Variants in HEMK2 observed in about 807,000 individuals in gnomAD.
The protein encoded by HEMK2 is methyltransferase HEMK2.
chr21:28,627,508 T>C, the HEMK2 span, among the ~76,000 whole-genome samples: 213 of 152,282 alleles, frequency 1.4e-3, no homozygotes, highest in African/African-American at 3.2e-3. Flanking sequence ...TAAGATGAAG[T>C]AGTTGAAATG....
the HEMK2 span, among the ~76,000 whole-genome samples, chr21:28,651,368 A>G: frequency 2.0e-5 from 3 of 152,212 alleles, no homozygotes; most frequent in African/African-American, 7.2e-5. Context: ...AAAAACTATA[A>G]AAAATATTCT....
chr21:28,720,663 G>A, the HEMK2 span, among the ~76,000 whole-genome samples: 1 of 152,180 alleles, frequency 6.6e-6, no homozygotes, highest in Admixed American at 6.5e-5. Context: ...AACCTGGGAG[G>A]TGGATGTTGC....
the HEMK2 span, among the ~76,000 whole-genome samples, chr21:28,717,567 C>T: frequency 3.4e-5 from 5 of 146,654 alleles, no homozygotes; most frequent in Admixed American, 2.8e-4. Flanking sequence ...GCAACATCCG[C>T]CTCCTGGGTT....
At chr21:28,667,340 A>G in the HEMK2 span, among the ~76,000 whole-genome samples, 1 of 152,204 alleles carries the variant, frequency 6.6e-6, no homozygotes, top group African/African-American at 2.4e-5. Flanking sequence ...ATGAGAAGCC[A>G]TAATTTGTGT....
chr21:28,858,763 T>G, the HEMK2 span, among the ~76,000 whole-genome samples: 1 of 152,138 alleles, frequency 6.6e-6, no homozygotes, highest in Admixed American at 6.5e-5. Context: ...AGAAATTTTT[T>G]AAAAGGGACC....
the HEMK2 span, among the ~76,000 whole-genome samples, chr21:28,855,203 G>T: frequency 2.0e-5 from 3 of 152,216 alleles, no homozygotes; most frequent in Admixed American, 2.0e-4. Context: ...AAAAGCAGGG[G>T]TTGCTATTCT....
chr21:28,624,141 T>A, the HEMK2 span, among the ~76,000 whole-genome samples: 1 of 152,176 alleles, frequency 6.6e-6, no homozygotes, highest in African/African-American at 2.4e-5. Context: ...TAAACTGGAA[T>A]GTATGAGCCA....
the HEMK2 span, among the ~76,000 whole-genome samples, chr21:28,832,797 G>A: frequency 6.6e-6 from 1 of 152,194 alleles, no homozygotes; most frequent in Admixed American, 6.5e-5. Flanking sequence ...TTCGTGTATT[G>A]ATACGTATGT....
At chr21:28,637,509 C>T in the HEMK2 span, among the ~76,000 whole-genome samples, 1 of 151,930 alleles carries the variant, frequency 6.6e-6, no homozygotes, top group African/African-American at 2.4e-5. Flanking sequence ...AGCTGAGAAT[C>T]GCATTACCAG....
the HEMK2 span, among the ~76,000 whole-genome samples, chr21:28,843,519 ATCT>A: frequency 2.0e-3 from 305 of 152,292 alleles, 4 homozygotes; most frequent in African/African-American, 7.1e-3. Flanking sequence ...AAACTTAATG[ATCT>A]TCTTCCAAAA....
chr21:28,659,331 A>G, the HEMK2 span, among the ~76,000 whole-genome samples: 1 of 152,124 alleles, frequency 6.6e-6, no homozygotes, highest in Non-Finnish European at 1.5e-5. Flanking sequence ...AACCTGTTAG[A>G]GCATTTTGTT....
At chr21:28,676,618 C>T in the HEMK2 span, among the ~76,000 whole-genome samples, 1 of 152,192 alleles carries the variant, frequency 6.6e-6, no homozygotes, top group South Asian at 2.1e-4. Flanking sequence ...TGGGGTGTAG[C>T]CACAGAAGTT....
the HEMK2 span, among the ~76,000 whole-genome samples, chr21:28,816,037 A>T: frequency 2.0e-5 from 3 of 152,218 alleles, no homozygotes; most frequent in Non-Finnish European, 4.4e-5. Context: ...ACACCAGACA[A>T]GTGCACACCC....
the HEMK2 span, among the ~76,000 whole-genome samples, chr21:28,593,802 A>T: frequency 6.6e-6 from 1 of 152,112 alleles, no homozygotes; most frequent in Non-Finnish European, 1.5e-5. Flanking sequence ...TGGCTACATA[A>T]GTAAATAAAT....
the HEMK2 span, among the ~76,000 whole-genome samples, chr21:28,723,689 C>A: frequency 6.6e-6 from 1 of 152,116 alleles, no homozygotes; most frequent in East Asian, 1.9e-4. Context: ...TGATAATCAT[C>A]CCCGCCTCAT....
the HEMK2 span, among the ~76,000 whole-genome samples, chr21:28,866,965 A>G: frequency 6.6e-6 from 1 of 152,218 alleles, no homozygotes; most frequent in Non-Finnish European, 1.5e-5. Flanking sequence ...ATATAAATCA[A>G]TACTATATTA....
chr21:28,712,758 T>C, the HEMK2 span, among the ~76,000 whole-genome samples: 1 of 152,328 alleles, frequency 6.6e-6, no homozygotes, highest in African/African-American at 2.4e-5. Context: ...AATTGATACA[T>C]TACAATTGTT....
the HEMK2 span, among the ~76,000 whole-genome samples, chr21:28,674,260 A>G: frequency 6.6e-6 from 1 of 152,214 alleles, no homozygotes; most frequent in African/African-American, 2.4e-5. Context: ...CTTGTTTAGC[A>G]TATCATCAAG....
chr21:28,791,469 C>A, the HEMK2 span, among the ~76,000 whole-genome samples: 1 of 151,964 alleles, frequency 6.6e-6, no homozygotes, highest in Non-Finnish European at 1.5e-5. Context: ...AAACATAATT[C>A]AAAAAAAGGG....
Sources: allele counts gnomAD v4.1 joint callset (sites outside exome capture counted in the v4.1 genomes callset), GRCh38; gene constraint gnomAD v4.1.1; transcripts MANE v1.5; gene names NCBI Gene and HGNC (gene_info 2026-07-23, HGNC 2026-07-21).